Variants in RBFOX3 observed in about 807,000 individuals in gnomAD.
RBFOX3 encodes RNA binding fox-1 homolog 3.
In RBFOX3, 17 loss-of-function variants were observed where a neutral mutation model predicts 48.7. The observed-to-expected ratio is 0.35, with a 90% CI of 0.24 to 0.52. The LOEUF is 0.52. Among genes scored for constraint, RBFOX3 ranks in the 20% least tolerant of loss-of-function variants. The pLI is 0.94. For synonymous variants in RBFOX3, 212 were observed against 209.5 expected, an observed-to-expected ratio of 1.01 and a Z score of -0.10; for missense variants, 382 against 497.5, an observed-to-expected ratio of 0.77 and a Z score of 2.21.
the RBFOX3 span, among the ~76,000 whole-genome samples, chr17:79,623,821 TC>T: frequency 7.8e-6 from 1 of 127,868 alleles, no homozygotes; most frequent in Admixed American, 7.3e-5. Flanking sequence ...AAACTCTGTC[TC>T]TAAAAAAAAA....
In RBFOX3 at chr17:79,361,423, T is replaced by C. The variant is rs1056597809; in HGVS notation, c.-174-53599A>G. 5.9e-5 allele frequency among the ~76,000 whole-genome samples: 9 copies of C among 152,178 alleles called. No homozygotes were observed. The highest frequency in any genetic ancestry group is 1.3e-4 in the Non-Finnish European group (9 of 68,040). On this transcript the variant is annotated intron_variant, in intron 2 of 14. Transcript: ENST00000693108. The surrounding 1 kb of genome is among the most constrained non-coding windows in gnomAD (Gnocchi z 4.5). ...GAAAGATTAAACATCTCTCAGATGC[T>C]GGGAGGACCCTCACGGTGGCCCTTG...
intron 6 of RBFOX3, among the ~76,000 whole-genome samples, chr17:79,105,873 T>C (rs926367487): frequency 6.6e-6 from 1 of 151,848 alleles, no homozygotes; most frequent in Non-Finnish European, 1.5e-5. Flanking sequence ...CCTGGGAGCC[T>C]GGGCTGAGCC....
intron 1 of RBFOX3, among the ~76,000 whole-genome samples, chr17:79,515,356 C>G (rs2085100761): frequency 6.6e-6 from 1 of 152,140 alleles, no homozygotes; most frequent in African/African-American, 2.4e-5. Flanking sequence ...GTGATCCAGC[C>G]ACTCCCCCAT....
At chr17:79,454,833 G>T (rs1468761033) in intron 2 of RBFOX3, among the ~76,000 whole-genome samples, 3 of 152,200 alleles carry the variant, frequency 2.0e-5, no homozygotes, top group African/African-American at 7.2e-5. Flanking sequence ...TCATCTGATG[G>T]CCCCATGTGG....
rs1017011694 is a variant in RBFOX3, at chr17:79,485,069, C to T, written c.-319-2471G>A. ...TGGAGGCAGGTGGTCCAGGGAGACT[C>T]CTGCCCCGCTGCTCTCTCCCACCAG... On this transcript the variant is annotated intron_variant, in intron 1 of 14. Transcript: ENST00000693108. 3.9e-3 allele frequency among the ~76,000 whole-genome samples: 576 copies of T among 148,034 alleles called. 4 individuals carry two copies. Among genetic ancestry groups the T allele is most frequent in the Middle Eastern group, 0.021 (6 of 290 alleles).
chr17:79,158,050 T>G, intron 4 of RBFOX3, among the ~76,000 whole-genome samples: 1 of 152,286 alleles, frequency 6.6e-6, no homozygotes, highest in Non-Finnish European at 1.5e-5. Context: ...TACATTACAC[T>G]GGGGTCATTA....
In RBFOX3 at chr17:79,452,905, C is replaced by T. The variant is rs543740399; in HGVS notation, c.-175+29549G>A. On this transcript the variant is annotated intron_variant, in intron 2 of 14. Coordinates refer to ENST00000693108, the MANE Select transcript of RBFOX3 (RefSeq NM_001350451.2). ...GAAGCCAGTGGAGAGGAAGCAGCAC[C>T]GTGGTGCCATCCCGCTCACGGCCCC... Among the ~76,000 whole-genome samples, 224 of 152,318 alleles carry T rather than the reference C, an allele frequency of 1.5e-3. 1 individual carries two copies. The highest frequency in any genetic ancestry group is 4.9e-3 in the African/African-American group (203 of 41,574).
At chr17:79,153,239 G>A (rs1346956221) in intron 4 of RBFOX3, among the ~76,000 whole-genome samples, 2 of 152,210 alleles carry the variant, frequency 1.3e-5, no homozygotes, top group East Asian at 1.9e-4. Context: ...AGCAGGCAAC[G>A]ACCACCTGTG....
intron 2 of RBFOX3, among the ~76,000 whole-genome samples, chr17:79,459,335 G>A (rs1366595691): frequency 5.9e-5 from 9 of 152,162 alleles, no homozygotes; most frequent in African/African-American, 1.9e-4. Context: ...TGGAGGGCAG[G>A]GGCGGATGTG....
chr17:79,440,634 C>G (rs1241688909), intron 2 of RBFOX3, among the ~76,000 whole-genome samples: 1 of 152,218 alleles, frequency 6.6e-6, no homozygotes, highest in Non-Finnish European at 1.5e-5. Context: ...TAAATCACCT[C>G]TGGACCCCGG....
intron 1 of RBFOX3, among the ~76,000 whole-genome samples, chr17:79,545,903 C>T (rs1363204008): frequency 6.6e-6 from 1 of 152,238 alleles, no homozygotes; most frequent in Non-Finnish European, 1.5e-5. Context: ...GAAGGTTCTC[C>T]TTTGATCATT....
chr17:79,287,230 C>T (rs981656947), intron 3 of RBFOX3, among the ~76,000 whole-genome samples: 9 of 152,214 alleles, frequency 5.9e-5, no homozygotes, highest in African/African-American at 2.2e-4. Context: ...GAAGGACCCC[C>T]TGCCTTACTG....
upstream of RBFOX3, among the ~76,000 whole-genome samples, chr17:79,612,702 TC>T (rs2093978075): frequency 6.6e-6 from 1 of 152,168 alleles, no homozygotes; most frequent in Non-Finnish European, 1.5e-5. Context: ...GACTGAACTT[TC>T]CCCTGCCACC....
intron 2 of RBFOX3, among the ~76,000 whole-genome samples, chr17:79,355,357 A>T (rs555034659): frequency 6.6e-6 from 1 of 152,098 alleles, no homozygotes; most frequent in East Asian, 1.9e-4. Context: ...CTGGGGCACA[A>T]CTCCATTGAC....
chr17:79,130,714 C>T (rs73401905), intron 4 of RBFOX3, among the ~76,000 whole-genome samples: 17,896 of 152,282 alleles, frequency 0.12, 2,727 homozygotes, highest in African/African-American at 0.35. Flanking sequence ...GCCTGGGTCT[C>T]ACAGAGCCCG....
chr17:79,521,258 TCACAGACACACGCACAGACACATG>T (rs1341287003), intron 1 of RBFOX3, among the ~76,000 whole-genome samples: 1,934 of 135,668 alleles, frequency 0.014, 48 homozygotes, highest in African/African-American at 0.047. Flanking sequence ...ACACACACAC[TCACAGACACACGCACAGACACATG>T]CACAGACACA....
At chr17:79,302,321 C>G (rs2075438633) in intron 3 of RBFOX3, among the ~76,000 whole-genome samples, 1 of 152,152 alleles carries the variant, frequency 6.6e-6, no homozygotes, top group African/African-American at 2.4e-5. Flanking sequence ...TCCAGGATCA[C>G]TCACTAGTAA....
intron 4 of RBFOX3, among the ~76,000 whole-genome samples, chr17:79,146,214 C>T (rs749421570): frequency 6.6e-5 from 10 of 152,192 alleles, no homozygotes; most frequent in Non-Finnish European, 1.3e-4. Flanking sequence ...GGGTTGAAGA[C>T]CCCTGACGTA....
intron 4 of RBFOX3, among the ~76,000 whole-genome samples, chr17:79,231,878 CA>C (rs2061075738): frequency 6.6e-6 from 1 of 152,190 alleles, no homozygotes; most frequent in Non-Finnish European, 1.5e-5. Flanking sequence ...AGTCCATTCT[CA>C]TGCTGCTATG....
Sources: gnomAD v4.1 joint callset for allele counts (sites outside exome capture counted in the v4.1 genomes callset) on GRCh38, gnomAD v4.1.1 for gene constraint, Gnocchi (gnomAD v3.1) non-coding constraint, MANE v1.5 for transcripts, NCBI Gene and HGNC (gene_info 2026-07-23, HGNC 2026-07-21) for gene names.